Variants in SIDT2 observed in about 807,000 individuals in gnomAD.
The protein encoded by SIDT2 is SID1 transmembrane family, member 2.
SIDT2 carries 68 observed loss-of-function variants against 114.4 expected under a neutral mutation model. The observed-to-expected ratio is 0.59, with a 90% CI of 0.49 to 0.73. The LOEUF is 0.73. SIDT2 is among the 30% of genes least tolerant of loss of function. The probability of loss-of-function intolerance (pLI) is 0.00; values close to 1 mark genes in which losing one functional copy is unlikely to be tolerated. For missense variants in SIDT2, 918 were observed against 1,097.1 expected, an observed-to-expected ratio of 0.84 and a Z score of 2.31; for synonymous variants, 470 against 438.4, an observed-to-expected ratio of 1.07 and a Z score of -0.90.
chr11:117,187,983 T>G, intron 12 of SIDT2: 1 of 633,636 alleles, frequency 1.6e-6, no homozygotes, highest in South Asian at 1.5e-5. Flanking sequence ...TAGGGCTGTT[T>G]TGCCAATCAG....
chr11:117,193,283 T>C (rs2030769597), intron 23 of SIDT2, 25 bp downstream of exon 23: 4 of 1,562,646 alleles, frequency 2.6e-6, no homozygotes, highest in South Asian at 1.1e-5. Flanking sequence ...CCAAGCCCCC[T>C]CTGTCAGCTG....
At chr11:117,183,634 G>A (rs1483263258) in intron 6 of SIDT2, 145 bp from the exon 7 acceptor site, 18 of 632,990 alleles carry the variant, frequency 2.8e-5, no homozygotes, top group East Asian at 8.4e-5. Context: ...GTGAAACTCC[G>A]TCTCAAAAAA....
intron 6 of SIDT2, among the ~76,000 whole-genome samples, chr11:117,183,529 T>C (rs1487759034): frequency 1.3e-5 from 2 of 151,812 alleles, no homozygotes; most frequent in African/African-American, 4.8e-5. Context: ...TCCCAGCTAC[T>C]TGGGAGGTTG....
intron 1 of SIDT2, among the ~76,000 whole-genome samples, chr11:117,181,118 G>C (rs573942138): frequency 6.6e-6 from 1 of 152,196 alleles, no homozygotes; most frequent in South Asian, 2.1e-4. Flanking sequence ...ATAGGAATGG[G>C]GTATCCTGGA....
In SIDT2 at chr11:117,190,237, A is replaced by G. The variant is rs1241050256; in HGVS notation, c.1565A>G (p.Gln522Arg). The part of the protein sequence containing the change: ...LGLLFLLIIL[Q>R]REINHNRALL... ...CTGCTTTTCCTGCTCATCATCCTGC[A>G]ACGGGAGATCAACCACAACCGGGCC... is the stretch of plus-strand genomic sequence containing the variant. The change falls in exon 17 of 26, where the codon CAA (glutamine) becomes CGA (arginine). Residue 522 changes from glutamine to arginine, a missense_variant. Physicochemically the swap from Gln to Arg is conservative, Grantham distance 43. Around this residue, in one of 4 missense-constraint regions of SIDT2, gnomAD observed 72 missense variants for 59.9 expected, o/e 1.20. Coordinates refer to ENST00000324225, the MANE Select transcript of SIDT2 (RefSeq NM_001040455.2). The surrounding 1 kb of genome is among the most constrained non-coding windows in gnomAD (Gnocchi z 4.1). 1 of 1,575,914 alleles carries G rather than the reference A, an allele frequency of 6.3e-7. No individual in the cohort carries two copies. The highest frequency in any genetic ancestry group is 2.2e-5 in the East Asian group (1 of 44,664).
chr11:117,195,761 A>G (rs1406203744), intron 24 of SIDT2, 41 bp from the exon 25 acceptor site: 1 of 1,603,802 alleles, frequency 6.2e-7, no homozygotes, highest in Non-Finnish European at 8.5e-7. Context: ...TTGCCCTGCC[A>G]GAGCAGGGTC....
intron 24 of SIDT2, among the ~76,000 whole-genome samples, chr11:117,194,792 G>A (rs1412978725): frequency 6.6e-6 from 1 of 152,124 alleles, no homozygotes; most frequent in Non-Finnish European, 1.5e-5. Flanking sequence ...GGCTATAAAA[G>A]TCTTGGGTGA....
At chr11:117,191,721 A>C in intron 18 of SIDT2, 157 bp from the exon 19 acceptor site, 1 of 959,082 alleles carries the variant, frequency 1.0e-6, no homozygotes, top group Non-Finnish European at 1.6e-6. Context: ...GGTACAACTA[A>C]GGAACTGAAG....
At chr11:117,183,924 T>G in intron 7 of SIDT2, 46 bp downstream of exon 7, 1 of 1,551,330 alleles carries the variant, frequency 6.4e-7, no homozygotes, top group Non-Finnish European at 8.9e-7. Flanking sequence ...GAGGTCTTGG[T>G]CACTTTCTGG....
Position 117,187,657 on chromosome 11 carries a change from G to T in SIDT2, c.1117G>T (p.Val373Phe), listed in dbSNP as rs370860234. The change falls in exon 12 of 26, where the codon GTT becomes TTT. Residue 373 changes from valine to phenylalanine, a missense_variant. Around this residue, in one of 4 missense-constraint regions of SIDT2, gnomAD observed 553 missense variants for 600.1 expected, o/e 0.92. Transcript: ENST00000324225. ...ENVSGSTDGL[V>F]DSAGTGDLSY... ...TGTTTCTGGATCTACCGATGGTCTG[G>T]TTGACAGCGCTGGCACTGGGGACCT... 1 of 1,613,990 alleles carries T rather than the reference G, an allele frequency of 6.2e-7. No individual in the cohort carries two copies. The highest frequency in any genetic ancestry group is 1.3e-5 in the African/African-American group (1 of 74,888).
In SIDT2 at chr11:117,190,297, A is replaced by C; in HGVS notation, c.1617+8A>C. 2 of 1,526,492 alleles carry C rather than the reference A, an allele frequency of 1.3e-6. No individual in the cohort carries two copies. The highest frequency in any genetic ancestry group is 4.4e-5 in the Admixed American group (2 of 45,706). 94.6% of individuals were successfully genotyped at this position (1,526,492 alleles called of 1,614,324 possible). A position where few individuals can be genotyped will look rare whatever the true frequency, so the allele number is the denominator to read the frequency against. ...AATGACCTCTGTGCCCTGGTAAGGGAGCACCTGCCTGCCTGCCGCAGCCTC... is the reference window on the plus strand; with the variant it reads ...AATGACCTCTGTGCCCTGGTAAGGGCGCACCTGCCTGCCTGCCGCAGCCTC... On this transcript the variant is annotated splice_region_variant and intron_variant, in intron 17 of 25. Transcript: ENST00000324225. This position sits in a 1 kb window ranked among gnomAD's most constrained non-coding sequence, Gnocchi z 4.1.
rs55970874 is a variant in SIDT2 at position 117,195,085 on chromosome 11, C to CAAAAAAAAAAAAAAAAA, written c.2323-704_2323-688dup. Among the ~76,000 whole-genome samples, 5 of 45,700 alleles carry CAAAAAAAAAAAAAAAAA rather than the reference C, an allele frequency of 1.1e-4. 1 individual carries two copies. Among genetic ancestry groups the CAAAAAAAAAAAAAAAAA allele is most frequent in the Middle Eastern group, 0.017 (1 of 58 alleles). 30.0% of individuals were successfully genotyped at this position (45,700 alleles called of 152,430 possible). On this transcript the variant is annotated intron_variant, in intron 24 of 25. Coordinates refer to ENST00000324225, the MANE Select transcript of SIDT2 (RefSeq NM_001040455.2). The stretch of plus-strand genomic sequence containing the variant: ...CTGTCAACAGAGCAAGACTCTGTCT[C>CAAAAAAAAAAAAAAAAA]AAAAAAAAAAAAAAAAAAAAAAAAA...
chr11:117,184,978 T>C (rs1297825389), intron 8 of SIDT2, among the ~76,000 whole-genome samples: 1 of 151,882 alleles, frequency 6.6e-6, no homozygotes, highest in African/African-American at 2.4e-5. Flanking sequence ...CCGCCCACCT[T>C]GGCCTCCCAG....
rs139036118 is a variant in SIDT2, at chr11:117,182,113, C to G, written c.516+8C>G. The G allele has an allele frequency of 1.2e-6, 2 of 1,613,654 alleles. No individual in the cohort carries two copies. The highest frequency in any genetic ancestry group is 1.7e-6 in the Non-Finnish European group (2 of 1,180,002). On this transcript the variant is annotated splice_region_variant and intron_variant, in intron 4 of 25. Transcript: ENST00000324225. ...ACAGCAGCACAGCCCCAGGTAACAT[C>G]TCCCTGTTGATTGCTCGAGAGGAGA...
At position 117,181,486 on chromosome 11, in the gene SIDT2, G is replaced by A. The variant is rs562507991; in HGVS notation, c.254G>A (p.Arg85His). The A allele has an allele frequency of 7.6e-4, 1,220 of 1,613,812 alleles. 21 individuals are homozygous for A. The South Asian group carries it at 0.011, about 15-fold the overall frequency. The change falls in exon 2 of 26, where the codon CGC (arginine) becomes CAC (histidine). Residue 85 changes from arginine to histidine, a missense_variant. This residue lies in a region of SIDT2 where 553 missense variants were observed against 600.1 expected (regional missense o/e 0.92). Coordinates refer to ENST00000324225, the MANE Select transcript of SIDT2 (RefSeq NM_001040455.2). ...GGGGCGCCGTTGCTGTTTGTGGTCC[G>A]CCAGAAGGAGGCTGTGGTGTCCTTC... ...QKGAPLLFVV[R>H]QKEAVVSFQV...
At chr11:117,191,646 G>A in intron 18 of SIDT2, 3 of 581,298 alleles carry the variant, frequency 5.2e-6, no homozygotes, top group Non-Finnish European at 9.1e-6. Flanking sequence ...AGACCAAGTT[G>A]TCCCTGTTTT....
rs2030653063 is a variant in SIDT2, at chr11:117,190,335, G to GCCTC, written c.1617+46_1617+47insCCTC. The GCCTC allele has an allele frequency of 6.6e-7, 1 of 1,521,858 alleles. No individual in the cohort carries two copies. The highest frequency in any genetic ancestry group is 1.4e-5 in the African/African-American group (1 of 71,844). The allele number at this position is 1,521,858 out of a possible 1,614,324, so 94.3% of individuals were successfully genotyped here. ...CTGCCGCAGCCTCAGCTCCAGCACA[G>GCCTC]ACCTCAAGCCTTGGCTCCAGGACAC... is the stretch of plus-strand genomic sequence containing the variant. On this transcript the variant is annotated intron_variant, in intron 17 of 25. Transcript: ENST00000324225. This position sits in a 1 kb window ranked among gnomAD's most constrained non-coding sequence, Gnocchi z 4.1.
intron 24 of SIDT2, among the ~76,000 whole-genome samples, chr11:117,195,325 A>G (rs1565290190): frequency 6.6e-6 from 1 of 152,126 alleles, no homozygotes; most frequent in East Asian, 1.9e-4. Flanking sequence ...GATAGAGCTT[A>G]TGAGTAGAGC....
chr11:117,186,991 T>G, intron 10 of SIDT2: 2 of 1,451,002 alleles, frequency 1.4e-6, no homozygotes, highest in Non-Finnish European at 1.8e-6. Flanking sequence ...CTCTCTTAGC[T>G]TCTCTCCTTG....
Sources: allele counts gnomAD v4.1 joint callset (sites outside exome capture counted in the v4.1 genomes callset), GRCh38; gene constraint gnomAD v4.1.1; regional missense constraint gnomAD v4.1.1; non-coding constraint Gnocchi (gnomAD v3.1); transcripts MANE v1.5; gene names NCBI Gene and HGNC (gene_info 2026-07-23, HGNC 2026-07-21).